Variants in ZC3H4 observed in about 807,000 individuals in gnomAD.
ZC3H4 encodes zinc finger CCCH-type containing 4, also known as zinc finger CCCH domain-containing protein 4.
A neutral mutation model predicts 108.3 loss-of-function variants in ZC3H4; 13 were observed. The ratio of observed to expected loss-of-function variants is 0.12; its 90% CI spans 0.08 to 0.19. ZC3H4 has a LOEUF of 0.19. Ranked by LOEUF, ZC3H4 falls within the 10% of genes least tolerant of loss-of-function variation. ZC3H4 has a pLI of 1.00. For synonymous variants in ZC3H4, 917 were observed against 749.6 expected, an observed-to-expected ratio of 1.22 and a Z score of -3.65; for missense variants, 1,734 against 1,838.8, an observed-to-expected ratio of 0.94 and a Z score of 1.04.
Position 47,093,956 on chromosome 19 carries a change from T to C in ZC3H4, c.492+14A>G, listed in dbSNP as rs1568558838. 3.1e-6 allele frequency: 5 copies of C among 1,607,158 alleles called. No homozygotes were observed. The highest frequency in any genetic ancestry group is 4.3e-6 in the Non-Finnish European group (5 of 1,173,916). Reference sequence around the variant, plus strand: ...CCCGGCCCCAGAGCTCAGCAGTGCATGCCAGTCACTCACCGGCGCATATGG... The same window carrying C: ...CCCGGCCCCAGAGCTCAGCAGTGCACGCCAGTCACTCACCGGCGCATATGG... On this transcript the variant is annotated intron_variant, in intron 4 of 14. Coordinates refer to ENST00000253048, the MANE Select transcript of ZC3H4 (RefSeq NM_015168.2).
chr19:47,086,354 C>T lies in ZC3H4; in HGVS notation c.870+30G>A, dbSNP rs766607511. 60 of 1,611,762 alleles carry T rather than the reference C, an allele frequency of 3.7e-5. No individual in the cohort carries two copies. The East Asian group carries it at 8.7e-4, about 23-fold the overall frequency. On this transcript the variant is annotated intron_variant, in intron 6 of 14. Coordinates refer to ENST00000253048, the MANE Select transcript of ZC3H4 (RefSeq NM_015168.2). ...CCCGGAAAGCCCACCAGCCTCACCC[C>T]GACGTCCCCAGGGCCAGAGGAAACC...
intron 9 of ZC3H4, among the ~76,000 whole-genome samples, chr19:47,083,011 T>C (rs916308124): frequency 6.6e-6 from 1 of 152,162 alleles, no homozygotes; most frequent in African/African-American, 2.4e-5. Context: ...AGCTGATCTG[T>C]CCCCCTTTTA....
At position 47,094,581 on chromosome 19, in the gene ZC3H4, T is replaced by C. The variant is rs1344549262; in HGVS notation, c.189A>G (p.Glu63=). ...TCTCCTCTGCCCCATCATCTTCCAA[T>C]TCACCTTCTTCCAACTCTCCATCTT... ...DREDGELEEG[E]LEDDGAEETQ... Residue 63 remains glutamate (E), a synonymous_variant, in exon 3 of 15, where the codon GAA becomes GAG. Coordinates refer to ENST00000253048, the MANE Select transcript of ZC3H4 (RefSeq NM_015168.2). 1 of 1,614,146 alleles carries C rather than the reference T, an allele frequency of 6.2e-7. No homozygotes were observed. The highest frequency in any genetic ancestry group is 8.5e-7 in the Non-Finnish European group (1 of 1,180,020).
intron 2 of ZC3H4, chr19:47,110,974 G>A: frequency 1.0e-6 from 1 of 972,266 alleles, no homozygotes; most frequent in Non-Finnish European, 1.2e-6. Context: ...GGAGAAAGGG[G>A]AAAGGGGAGG....
chr19:47,073,307 T>C (rs527628614), intron 11 of ZC3H4, among the ~76,000 whole-genome samples: 10 of 151,670 alleles, frequency 6.6e-5, no homozygotes, highest in African/African-American at 2.2e-4. Flanking sequence ...TGGTGGCTCA[T>C]GCTTGTAATC....
At position 47,071,812 on chromosome 19, in the gene ZC3H4, G is replaced by A. The variant is rs1014465843; in HGVS notation, c.2112C>T (p.Gly704=). 1.1e-5 allele frequency: 18 copies of A among 1,613,096 alleles called. No individual in the cohort carries two copies. Among genetic ancestry groups the A allele is most frequent in the South Asian group, 2.2e-5 (2 of 91,002 alleles). The change falls in exon 13 of 15, where the codon GGC becomes GGT. Residue 704 remains glycine, a synonymous_variant. Transcript: ENST00000253048. ...FYENFYQQQE[G]MEMEPGLLGD... The stretch of plus-strand genomic sequence containing the variant: ...CCAGGAGTCCGGGCTCCATCTCCAT[G>A]CCCTCCTGCTGCTGGTAGAAGTTTT...
chr19:47,072,702 A>G lies in ZC3H4; in HGVS notation c.1452T>C (p.Asp484=), dbSNP rs573400856. 1 of 1,613,752 alleles carries G rather than the reference A, an allele frequency of 6.2e-7. No homozygotes were observed. Among genetic ancestry groups the G allele is most frequent in the South Asian group, 1.1e-5 (1 of 91,066 alleles). ...TRELLDKMLA[D]DAEAGAEDEK... Reference sequence around the variant, plus strand: ...CATCCTCGGCACCTGCTTCTGCATCATCGGCCAACATCTGCGGGTGTGAAA... The same window carrying G: ...CATCCTCGGCACCTGCTTCTGCATCGTCGGCCAACATCTGCGGGTGTGAAA... Residue 484 remains aspartate, a synonymous_variant, in exon 12 of 15, where the codon GAT becomes GAC. Transcript: ENST00000253048. The surrounding 1 kb of genome is among the most constrained non-coding windows in gnomAD (Gnocchi z 5.6).
At chr19:47,101,592 G>A (rs1416156803) in intron 2 of ZC3H4, among the ~76,000 whole-genome samples, 2 of 152,028 alleles carry the variant, frequency 1.3e-5, no homozygotes, top group African/African-American at 4.8e-5. Context: ...AAAAGTTCTG[G>A]CCAGGTACGG....
intron 8 of ZC3H4, among the ~76,000 whole-genome samples, chr19:47,084,800 C>T (rs892884378): frequency 2.6e-5 from 4 of 152,198 alleles, no homozygotes; most frequent in African/African-American, 7.2e-5. Flanking sequence ...CACCTAGAAC[C>T]TTCTGAACCT....
chr19:47,110,273 C>T (rs2058021235), intron 2 of ZC3H4, among the ~76,000 whole-genome samples: 1 of 152,146 alleles, frequency 6.6e-6, no homozygotes, highest in African/African-American at 2.4e-5. Context: ...ATCCAGTAAG[C>T]TTGTCTCCTA....
At position 47,082,243 on chromosome 19, in the gene ZC3H4, A is replaced by G. The variant is rs1490237703; in HGVS notation, c.1271T>C (p.Leu424Pro). The G allele has an allele frequency of 6.2e-7, 1 of 1,614,128 alleles. No homozygotes were observed. Residue 424 changes from leucine to proline, a missense_variant, in exon 10 of 15, where the codon CTG becomes CCG. Physicochemically the swap from Leu to Pro is moderately conservative, Grantham distance 98 (BLOSUM62 -3). This residue lies in a region of ZC3H4 where 66 missense variants were observed against 166.8 expected (regional missense o/e 0.40). Coordinates refer to ENST00000253048, the MANE Select transcript of ZC3H4 (RefSeq NM_015168.2). The stretch of plus-strand genomic sequence containing the variant: ...AAATCCAGTGATGTAAAACTTGCAC[A>G]GTTCTCGCTTCTTTGGGAGTTCGAT... ...HDIELPKKRE[L>P]CKFYITGFCA...
intron 9 of ZC3H4, among the ~76,000 whole-genome samples, chr19:47,082,865 TGTTAA>T (rs1436970154): frequency 6.6e-6 from 1 of 152,156 alleles, no homozygotes; most frequent in African/African-American, 2.4e-5. Context: ...AAGCCAATTT[TGTTAA>T]GTTTTCCTTT....
intron 5 of ZC3H4, among the ~76,000 whole-genome samples, chr19:47,087,291 C>T (rs980634479): frequency 2.2e-5 from 2 of 92,452 alleles, no homozygotes; most frequent in Non-Finnish European, 5.8e-5. Context: ...CACACACACA[C>T]ACACACAAAA....
Position 47,066,820 on chromosome 19 carries a change from C to A in ZC3H4, c.3448G>T (p.Asp1150Tyr). The A allele has an allele frequency of 6.2e-7, 1 of 1,600,186 alleles. No individual in the cohort carries two copies. Among genetic ancestry groups the A allele is most frequent in the Non-Finnish European group, 8.5e-7 (1 of 1,179,188 alleles). ...SSVLSGISLYDPRTPNAGGKA... is the reference protein window; with the variant it reads ...SSVLSGISLYYPRTPNAGGKA... Reference sequence around the variant, plus strand: ...CCCCCCGCGTTGGGAGTCCTCGGGTCGTAGAGGCTGATACCGCTCAGCACA... The same window carrying A: ...CCCCCCGCGTTGGGAGTCCTCGGGTAGTAGAGGCTGATACCGCTCAGCACA... Residue 1150 changes from aspartate to tyrosine, a missense_variant, in exon 15 of 15, where the codon GAC becomes TAC. Around this residue, in one of 9 missense-constraint regions of ZC3H4, gnomAD observed 518 missense variants for 499.6 expected, o/e 1.04. Coordinates refer to ENST00000253048, the MANE Select transcript of ZC3H4 (RefSeq NM_015168.2).
chr19:47,110,070 G>A (rs972564520), intron 2 of ZC3H4, among the ~76,000 whole-genome samples: 1 of 152,184 alleles, frequency 6.6e-6, no homozygotes, highest in African/African-American at 2.4e-5. Flanking sequence ...GAGACAGGCA[G>A]AGATGGGGGC....
intron 2 of ZC3H4, among the ~76,000 whole-genome samples, chr19:47,109,781 G>T (rs190947867): frequency 1.2e-4 from 19 of 152,242 alleles, no homozygotes; most frequent in Non-Finnish European, 2.5e-4. Flanking sequence ...TTTTGGAGAG[G>T]GCCAGGGTTC....
At chr19:47,099,349 C>T (rs1379526315) in intron 2 of ZC3H4, among the ~76,000 whole-genome samples, 3 of 151,878 alleles carry the variant, frequency 2.0e-5, no homozygotes, top group Non-Finnish European at 2.9e-5. Context: ...AACCCAGCTA[C>T]TCGGGAGGCT....
chr19:47,099,740 A>T (rs1207884546), intron 2 of ZC3H4, among the ~76,000 whole-genome samples: 1 of 151,268 alleles, frequency 6.6e-6, no homozygotes, highest in African/African-American at 2.4e-5. Context: ...GCTTGGCAAC[A>T]TGGCAGCTCT....
Position 47,084,469 on chromosome 19 carries a change from G to A in ZC3H4, c.1108-14C>T, listed in dbSNP as rs776962880. On this transcript the variant is annotated splice_polypyrimidine_tract_variant and intron_variant, in intron 8 of 14. Coordinates refer to ENST00000253048, the MANE Select transcript of ZC3H4 (RefSeq NM_015168.2). ...ACCACCACCGTCCTGCAATGGACAG[G>A]GTGTGGACGTAAAGGGGAATGAAAG... is the stretch of plus-strand genomic sequence containing the variant. The A allele has an allele frequency of 1.9e-6, 3 of 1,612,990 alleles. No homozygotes were observed. Among genetic ancestry groups the A allele is most frequent in the East Asian group, 2.2e-5 (1 of 44,890 alleles).
Sources: allele counts gnomAD v4.1 joint callset (sites outside exome capture counted in the v4.1 genomes callset), GRCh38; gene constraint gnomAD v4.1.1; regional missense constraint gnomAD v4.1.1; non-coding constraint Gnocchi (gnomAD v3.1); transcripts MANE v1.5; gene names NCBI Gene and HGNC (gene_info 2026-07-23, HGNC 2026-07-21).